HADHB: variants seen among roughly 807,000 people sequenced by gnomAD.
HADHB encodes the protein hydroxyacyl-CoA dehydrogenase trifunctional multienzyme complex subunit beta.
A neutral mutation model predicts 61.9 loss-of-function variants in HADHB; 50 were observed. The observed-to-expected ratio is 0.81, with a 90% confidence interval of 0.64 to 1.02. The LOEUF (loss-of-function observed/expected upper bound fraction) is 1.02. Ranked by LOEUF, HADHB falls within the 50% of genes least tolerant of loss-of-function variation. The pLI is 0.00. For synonymous variants in HADHB, 191 were observed against 201.6 expected (o/e 0.95, Z 0.45); for missense variants, 504 against 586.5 (o/e 0.86, Z 1.45).
At chr2:26,287,549 G>A (rs1673085511) in intron 15 of HADHB, among the ~76,000 whole-genome samples, 1 of 152,092 alleles carries the variant, frequency 6.6e-6, no homozygotes, top group African/African-American at 2.4e-5. Context: ...ACACAATACT[G>A]GATGCTTTTA....
In HADHB at chr2:26,290,050, C is replaced by T; in HGVS notation, c.*97C>T. On this transcript the variant is annotated 3_prime_UTR_variant, in exon 16 of 16. Transcript: ENST00000317799. ...TAAATGACATTTGTAGTTCCTAGCT[C>T]CTCTTAGGAAAACAGTTCTTGTGGC... 4 of 865,392 alleles carry T rather than the reference C, an allele frequency of 4.6e-6. No homozygotes were observed. The highest frequency in any genetic ancestry group is 2.6e-5 in the South Asian group (2 of 76,180). 53.6% of individuals were successfully genotyped at this position (865,392 alleles called of 1,614,324 possible).
chr2:26,269,497 G>A (rs1404523821), intron 4 of HADHB, among the ~76,000 whole-genome samples: 3 of 152,062 alleles, frequency 2.0e-5, no homozygotes, highest in African/African-American at 4.8e-5. Context: ...CACCATGCTT[G>A]GCCTCTTTCC....
At chr2:26,246,097 C>T (rs1671144625) in intron 1 of HADHB, among the ~76,000 whole-genome samples, 1 of 152,144 alleles carries the variant, frequency 6.6e-6, no homozygotes, top group Admixed American at 6.5e-5. Flanking sequence ...AACTGGATGA[C>T]CTGACCACTT....
chr2:26,258,973 G>A (rs950846944), intron 3 of HADHB, among the ~76,000 whole-genome samples: 2 of 152,094 alleles, frequency 1.3e-5, no homozygotes, highest in East Asian at 1.9e-4. Context: ...ATTCTTAGTC[G>A]GCCTAGGAAA....
At chr2:26,249,725 G>T (rs925961748) in intron 1 of HADHB, among the ~76,000 whole-genome samples, 3 of 151,964 alleles carry the variant, frequency 2.0e-5, no homozygotes, top group African/African-American at 7.2e-5. Context: ...CAGAAGGAAA[G>T]ATTTGTGTTC....
intron 3 of HADHB, among the ~76,000 whole-genome samples, chr2:26,255,595 C>T (rs776676078): frequency 6.6e-6 from 1 of 151,958 alleles, no homozygotes; most frequent in Admixed American, 6.6e-5. Flanking sequence ...TCTTTCTGGG[C>T]AGTGTGGCCT....
chr2:26,276,331 C>T (rs1369508652), intron 6 of HADHB, among the ~76,000 whole-genome samples: 7 of 152,204 alleles, frequency 4.6e-5, no homozygotes, highest in Non-Finnish European at 8.8e-5. Flanking sequence ...ATCCTGGCCA[C>T]TTGTTAGTTG....
At chr2:26,270,791 T>A (rs1225342737) in intron 5 of HADHB, among the ~76,000 whole-genome samples, 1 of 152,106 alleles carries the variant, frequency 6.6e-6, no homozygotes, top group Non-Finnish European at 1.5e-5. Context: ...CACTGTAAGC[T>A]ATAATCACCT....
chr2:26,271,182 A>C (rs1166998684), intron 5 of HADHB, among the ~76,000 whole-genome samples: 2 of 146,930 alleles, frequency 1.4e-5, no homozygotes, highest in Non-Finnish European at 3.0e-5. Context: ...GGTGTGAGCC[A>C]CTGCGCCCGG....
chr2:26,260,332 T>G (rs931809931), intron 3 of HADHB, among the ~76,000 whole-genome samples: 1 of 152,194 alleles, frequency 6.6e-6, no homozygotes, highest in East Asian at 1.9e-4. Flanking sequence ...TCTGCCTGCC[T>G]CAGCCTCCCA....
intron 10 of HADHB, among the ~76,000 whole-genome samples, chr2:26,280,764 A>T (rs981029489): frequency 2.0e-5 from 3 of 148,170 alleles, no homozygotes; most frequent in African/African-American, 7.4e-5. Context: ...GAGGCAAGAG[A>T]ATTGCTTGAA....
chr2:26,284,833 G>C lies in HADHB; in HGVS notation c.1150-50G>C, dbSNP rs375841566. On this transcript the variant is annotated intron_variant, in intron 13 of 15. Transcript: ENST00000317799. ...TCACAAACCATTCCTATAAGAAAGC[G>C]TAGAGGAACATGAATAACGAGGTTC... The C allele has an allele frequency of 1.8e-5, 17 of 925,880 alleles. No homozygotes were observed. In the African/African-American group the frequency reaches 1.9e-4, roughly 11 times the overall value. The allele number at this position is 925,880 out of a possible 1,614,324, so 57.4% of individuals were successfully genotyped here.
At chr2:26,277,569 A>T (rs1672600902) in intron 7 of HADHB, among the ~76,000 whole-genome samples, 1 of 152,208 alleles carries the variant, frequency 6.6e-6, no homozygotes, top group South Asian at 2.1e-4. Context: ...AAAGATTAGC[A>T]CAGATCTCTA....
At position 26,279,262 on chromosome 2, in the gene HADHB, AG is replaced by A; in HGVS notation, c.759del (p.Lys254ArgfsTer39). On this transcript the variant is annotated frameshift_variant, in exon 9 of 16. Transcript: ENST00000317799. LOFTEE classifies it high-confidence loss of function. ...EYALRSHSLA[K>X]KAQDEGLLSD... is the part of the protein sequence containing the mutation. ...GCACTGCGCTCTCACAGTCTAGCCA[AG>A]AAGGCACAGGATGAAGGACTCCTTT... 1 of 1,613,756 alleles carries A rather than the reference AG, an allele frequency of 6.2e-7. No individual in the cohort carries two copies. Among genetic ancestry groups the A allele is most frequent in the East Asian group, 2.2e-5 (1 of 44,882 alleles).
At position 26,285,523 on chromosome 2, in the gene HADHB, A is replaced by G. The variant is rs1193074177; in HGVS notation, c.1341A>G (p.Lys447=). 1.2e-6 allele frequency: 2 copies of G among 1,614,004 alleles called. No homozygotes were observed. The highest frequency in any genetic ancestry group is 4.5e-5 in the East Asian group (2 of 44,904). ...TGGCTGCTGCCAACAGATTACGGAA[A>G]GAAGGAGGCCAGTATGGCTTAGTGG... ...LVMAAANRLR[K]EGGQYGLVAA... The change falls in exon 15 of 16, where the codon AAA becomes AAG. Residue 447 remains lysine, a synonymous_variant. Transcript: ENST00000317799.
intron 6 of HADHB, among the ~76,000 whole-genome samples, chr2:26,275,451 G>A (rs1672502498): frequency 6.6e-6 from 1 of 152,142 alleles, no homozygotes; most frequent in Non-Finnish European, 1.5e-5. Flanking sequence ...CAATAGAAGT[G>A]TGTGGACAAG....
intron 4 of HADHB, 152 bp from the exon 5 acceptor site, chr2:26,269,801 C>T: frequency 1.4e-6 from 1 of 693,688 alleles, no homozygotes; most frequent in Non-Finnish European, 2.7e-6. Flanking sequence ...CACACTATTT[C>T]TTCATTTGAA....
intron 3 of HADHB, chr2:26,254,953 A>C (rs1671547128): frequency 5.9e-6 from 1 of 169,570 alleles, no homozygotes; most frequent in African/African-American, 2.4e-5. Flanking sequence ...AAAGTTGTTT[A>C]GTTAATATGA....
chr2:26,277,417 G>T (rs993178520), intron 7 of HADHB, among the ~76,000 whole-genome samples: 1 of 151,666 alleles, frequency 6.6e-6, no homozygotes, highest in South Asian at 2.1e-4. Flanking sequence ...TAAATTTTTT[G>T]TGGAGACGGG....
Sources: allele counts gnomAD v4.1 joint callset (sites outside exome capture counted in the v4.1 genomes callset), GRCh38; gene constraint gnomAD v4.1.1; transcripts MANE v1.5; gene names NCBI Gene and HGNC (gene_info 2026-07-23, HGNC 2026-07-21).